The following PARD3B variants were observed in gnomAD, a reference collection of about 807,000 sequenced individuals.
PARD3B encodes the protein partitioning defective 3 homolog B.
In PARD3B, 103 loss-of-function variants were observed where a neutral mutation model predicts 130.2. That is an observed-to-expected ratio of 0.79 (90% CI 0.67 to 0.93). The LOEUF (loss-of-function observed/expected upper bound fraction) is 0.93. Among genes scored for constraint, PARD3B ranks in the 40% least tolerant of loss-of-function variants. PARD3B has a pLI of 0.00. For synonymous variants in PARD3B, 583 were observed against 553.2 expected, an observed-to-expected ratio of 1.05 and a Z score of -0.76; for missense variants, 1,609 against 1,499.2, an observed-to-expected ratio of 1.07 and a Z score of -1.21.
At chr2:205,567,052 AC>A (rs2053365290) in intron 22 of PARD3B, among the ~76,000 whole-genome samples, 1 of 152,236 alleles carries the variant, frequency 6.6e-6, no homozygotes, top group Non-Finnish European at 1.5e-5. Flanking sequence ...TGATATCTGT[AC>A]TGAGCTTATA....
At chr2:205,068,347 C>T (rs1328443399) in intron 4 of PARD3B, among the ~76,000 whole-genome samples, 3 of 152,118 alleles carry the variant, frequency 2.0e-5, no homozygotes, top group Non-Finnish European at 4.4e-5. Context: ...TTATGTTCTC[C>T]ACCTAACCCC....
chr2:205,377,068 A>G (rs560737744), intron 18 of PARD3B, among the ~76,000 whole-genome samples: 1 of 152,328 alleles, frequency 6.6e-6, no homozygotes, highest in South Asian at 2.1e-4. Context: ...CTTTATAACA[A>G]GTCTGTGAAA....
intron 21 of PARD3B, among the ~76,000 whole-genome samples, chr2:205,533,090 T>C (rs2051676060): frequency 6.6e-6 from 1 of 152,192 alleles, no homozygotes; most frequent in African/African-American, 2.4e-5. Context: ...AAAATCACTG[T>C]TTCAACTTTC....
intron 2 of PARD3B, among the ~76,000 whole-genome samples, chr2:204,730,685 G>A (rs563443729): frequency 2.7e-4 from 41 of 152,080 alleles, no homozygotes; most frequent in African/African-American, 9.2e-4. Flanking sequence ...GGATGCAATC[G>A]CTGTATTAAA....
intron 22 of PARD3B, among the ~76,000 whole-genome samples, chr2:205,571,165 C>T (rs1307880502): frequency 1.3e-5 from 2 of 152,158 alleles, no homozygotes; most frequent in African/African-American, 4.8e-5. Flanking sequence ...AAATACTGAT[C>T]AATGGCTAAA....
intron 3 of PARD3B, among the ~76,000 whole-genome samples, chr2:204,975,899 T>C (rs10454128): frequency 0.043 from 6,537 of 152,270 alleles, 513 homozygotes; most frequent in East Asian, 0.38. Flanking sequence ...TTAGTGTCTT[T>C]TTCTCTTTTC....
intron 1 of PARD3B, among the ~76,000 whole-genome samples, chr2:204,554,130 C>T (rs192472775): frequency 6.6e-6 from 1 of 152,254 alleles, no homozygotes; most frequent in Admixed American, 6.5e-5. Flanking sequence ...ATTGTCCATT[C>T]TCAGGCTCTT....
chr2:205,044,947 A>C (rs1200823896), intron 3 of PARD3B, among the ~76,000 whole-genome samples: 1 of 152,142 alleles, frequency 6.6e-6, no homozygotes. Flanking sequence ...AAAGATGCTC[A>C]TTATTAATTT....
intron 3 of PARD3B, among the ~76,000 whole-genome samples, chr2:205,044,722 G>T (rs1411002664): frequency 1.3e-5 from 2 of 152,162 alleles, no homozygotes; most frequent in Non-Finnish European, 1.5e-5. Context: ...AGATGAGTAG[G>T]TTGCGAAAAT....
intron 18 of PARD3B, among the ~76,000 whole-genome samples, chr2:205,316,617 G>A (rs1015066084): frequency 3.3e-5 from 5 of 152,092 alleles, no homozygotes; most frequent in African/African-American, 1.2e-4. Flanking sequence ...GAAATCATTA[G>A]CAGTGAAAAT....
intron 2 of PARD3B, among the ~76,000 whole-genome samples, chr2:204,915,574 G>A (rs982114862): frequency 2.0e-5 from 3 of 152,026 alleles, no homozygotes; most frequent in African/African-American, 7.2e-5. Flanking sequence ...AAATTTAGTT[G>A]TTAAGTATAT....
intron 4 of PARD3B, among the ~76,000 whole-genome samples, chr2:205,052,256 C>T (rs1321253266): frequency 4.0e-5 from 6 of 151,392 alleles, no homozygotes; most frequent in African/African-American, 1.5e-4. Flanking sequence ...GCAAATTGAT[C>T]CTGCAGGGCG....
chr2:205,414,599 T>C (rs1265309700), intron 19 of PARD3B, among the ~76,000 whole-genome samples: 2 of 152,102 alleles, frequency 1.3e-5, no homozygotes, highest in Non-Finnish European at 2.9e-5. Context: ...AATGAGTAGA[T>C]GAGGAATTGC....
chr2:205,402,530 G>A (rs1224422984), intron 19 of PARD3B, among the ~76,000 whole-genome samples: 1 of 152,020 alleles, frequency 6.6e-6, no homozygotes, highest in African/African-American at 2.4e-5. Context: ...TTGGGACAGG[G>A]GAAAAAAACT....
intron 2 of PARD3B, among the ~76,000 whole-genome samples, chr2:204,891,165 T>G (rs2046430396): frequency 6.6e-6 from 1 of 151,668 alleles, no homozygotes; most frequent in South Asian, 2.1e-4. Flanking sequence ...GCACGCTGTG[T>G]GTTTTCTCTT....
intron 3 of PARD3B, among the ~76,000 whole-genome samples, chr2:205,027,161 C>T (rs1361995415): frequency 6.6e-6 from 1 of 152,100 alleles, no homozygotes; most frequent in Non-Finnish European, 1.5e-5. Context: ...AATGACTGCA[C>T]CAATTTCCAT....
At chr2:204,886,461 T>C (rs2125680527) in intron 2 of PARD3B, among the ~76,000 whole-genome samples, 1 of 152,350 alleles carries the variant, frequency 6.6e-6, no homozygotes, top group South Asian at 2.1e-4. Context: ...GAGTGTTGCC[T>C]GCCAGCGCAT....
chr2:204,806,606 C>G (rs569407910), intron 2 of PARD3B, among the ~76,000 whole-genome samples: 1 of 152,072 alleles, frequency 6.6e-6, no homozygotes, highest in African/African-American at 2.4e-5. Context: ...TTGAGTAATA[C>G]TTCACAAGCA....
chr2:204,676,641 A>G, intron 1 of PARD3B, among the ~76,000 whole-genome samples: 1 of 147,520 alleles, frequency 6.8e-6, no homozygotes, highest in Non-Finnish European at 1.5e-5. Flanking sequence ...TGTTTTTACC[A>G]TACATCCCAT....
Sources: gnomAD v4.1 joint callset for allele counts (sites outside exome capture counted in the v4.1 genomes callset) on GRCh38, gnomAD v4.1.1 for gene constraint, MANE v1.5 for transcripts, NCBI Gene and HGNC (gene_info 2026-07-23, HGNC 2026-07-21) for gene names.